ARSA: variants seen among roughly 807,000 people sequenced by gnomAD.
The protein encoded by ARSA is cerebroside-sulfatase.
Under a neutral mutation model 37.8 loss-of-function variants are expected in ARSA, and 32 were observed. The observed-to-expected ratio is 0.85, with a 90% confidence interval of 0.64 to 1.14. The LOEUF is 1.14. ARSA is among the 50% of genes most tolerant of loss of function. ARSA has a pLI of 0.00. For synonymous variants in ARSA, 303 were observed against 303.4 expected, an observed-to-expected ratio of 1.00 and a Z score of 0.01; for missense variants, 685 against 686.3, an observed-to-expected ratio of 1.00 and a Z score of 0.02.
In ARSA at chr22:50,624,976, G is replaced by T; in HGVS notation, c.*169C>A. ...TCAGTTTCCTCATTCGTACCACAGGGGACCGGCACCAGCACACAGCATTAC... is the reference window on the plus strand; with the variant it reads ...TCAGTTTCCTCATTCGTACCACAGGTGACCGGCACCAGCACACAGCATTAC... On this transcript the variant is annotated 3_prime_UTR_variant, in exon 8 of 8. Transcript: ENST00000216124. 1 of 795,028 alleles carries T rather than the reference G, an allele frequency of 1.3e-6. No homozygotes were observed. The highest frequency in any genetic ancestry group is 2.1e-5 in the South Asian group (1 of 48,714). 49.2% of individuals were successfully genotyped at this position (795,028 alleles called of 1,614,324 possible).
At position 50,627,816 on chromosome 22, in the gene ARSA, C is replaced by T; in HGVS notation, c.-37G>A. 2.0e-6 allele frequency: 3 copies of T among 1,522,522 alleles called. No homozygotes were observed. Among genetic ancestry groups the T allele is most frequent in the Non-Finnish European group, 2.6e-6 (3 of 1,135,230 alleles). The allele number at this position is 1,522,522 out of a possible 1,614,324, so 94.3% of individuals were successfully genotyped here. ...GTCTGTCCCAAGAGAGGGAGGGCTA[C>T]TTGGCTCCAGCAGGCTCTTTCCGAT... On this transcript the variant is annotated 5_prime_UTR_variant, in exon 1 of 8. Coordinates refer to ENST00000216124, the MANE Select transcript of ARSA (RefSeq NM_000487.6).
Position 50,627,928 on chromosome 22 carries a change from G to GC in ARSA, c.-150dup. On this transcript the variant is annotated 5_prime_UTR_variant, in exon 1 of 8. Transcript: ENST00000216124. ...CGGCCGCCTCCTGAAGCTCCAGAGG[G>GC]CCGGGGCCCGACAGTACCGGGAGAC... 1.3e-6 allele frequency: 1 copy of GC among 769,688 alleles called. No individual in the cohort carries two copies. Among genetic ancestry groups the GC allele is most frequent in the South Asian group, 1.8e-5 (1 of 55,156 alleles). The allele number at this position is 769,688 out of a possible 1,614,324, so 47.7% of individuals were successfully genotyped here.
At chr22:50,627,480 T>C (rs897617089) in intron 1 of ARSA, 74 bp from the exon 2 acceptor site, 3 of 1,593,950 alleles carry the variant, frequency 1.9e-6, no homozygotes, top group East Asian at 2.3e-5. Context: ...CAGACGTTTT[T>C]CCCGCCCCCC....
intron 4 of ARSA, 49 bp downstream of exon 4, chr22:50,626,542 G>A (rs778597125): frequency 1.2e-6 from 2 of 1,605,468 alleles, no homozygotes; most frequent in Non-Finnish European, 1.7e-6. Context: ...GGCCTCCAGG[G>A]CCCTGGCCCG....
Position 50,627,830 on chromosome 22 carries a change from G to A in ARSA, c.-51C>T. ...AGGGAGGGCTACTTGGCTCCAGCAGGCTCTTTCCGATACCGCAGACCCAGG... is the reference window on the plus strand; with the variant it reads ...AGGGAGGGCTACTTGGCTCCAGCAGACTCTTTCCGATACCGCAGACCCAGG... On this transcript the variant is annotated 5_prime_UTR_variant, in exon 1 of 8. Transcript: ENST00000216124. 5 of 1,498,876 alleles carry A rather than the reference G, an allele frequency of 3.3e-6. No homozygotes were observed. Among genetic ancestry groups the A allele is most frequent in the Non-Finnish European group, 4.5e-6 (5 of 1,116,096 alleles). 92.8% of individuals were successfully genotyped at this position (1,498,876 alleles called of 1,614,324 possible). A position where few individuals can be genotyped will look rare whatever the true frequency, so the allele number is the denominator to read the frequency against.
rs74315468 is a variant in ARSA at position 50,626,841 on chromosome 22, G to A, written c.677C>T (p.Ala226Val). The change falls in exon 3 of 8, where the codon GCC becomes GTC. Residue 226 changes from alanine (A) to valine (V), a missense_variant. By Grantham distance (64) the Ala-to-Val change is moderately conservative. Coordinates refer to ENST00000216124, the MANE Select transcript of ARSA (RefSeq NM_000487.6). ...RQDRPFFLYY[A>V]SHHTHYPQFS... is the part of the protein sequence containing the mutation. The stretch of plus-strand genomic sequence containing the variant: ...TGGGCCAAGATCACTTACGTGAGAG[G>A]CATAGTACAGGAAGAAGGGGCGATC... 1.1e-5 allele frequency: 18 copies of A among 1,613,114 alleles called. No homozygotes were observed. Among genetic ancestry groups the A allele is most frequent in the African/African-American group, 6.7e-5 (5 of 74,876 alleles).
In ARSA at chr22:50,627,649, G is replaced by A. The variant is rs1340814173; in HGVS notation, c.131C>T (p.Pro44Leu). The change falls in exon 1 of 8, where the codon CCC becomes CTC. Residue 44 changes from proline (P) to leucine (L), a missense_variant. By Grantham distance (98) the Pro-to-Leu change is moderately conservative (BLOSUM62 -3). Transcript: ENST00000216124. ...GTCCAGGTTGGGAGTGGTAGAGCTG[G>A]GGTGCCCATAGCAGCCCAGGTCCCC... is the stretch of plus-strand genomic sequence containing the variant. ...GYGDLGCYGH[P>L]SSTTPNLDQL... 7.1e-6 allele frequency: 11 copies of A among 1,559,960 alleles called. No homozygotes were observed. Among genetic ancestry groups the A allele is most frequent in the African/African-American group, 1.4e-5 (1 of 73,668 alleles).
Position 50,627,809 on chromosome 22 carries a change from A to G in ARSA, c.-30T>C, listed in dbSNP as rs1049205018. The stretch of plus-strand genomic sequence containing the variant: ...CCGAGGGGTCTGTCCCAAGAGAGGG[A>G]GGGCTACTTGGCTCCAGCAGGCTCT... On this transcript the variant is annotated 5_prime_UTR_variant, in exon 1 of 8. Coordinates refer to ENST00000216124, the MANE Select transcript of ARSA (RefSeq NM_000487.6). 2.6e-6 allele frequency: 4 copies of G among 1,526,884 alleles called. No homozygotes were observed. Among genetic ancestry groups the G allele is most frequent in the Non-Finnish European group, 3.5e-6 (4 of 1,138,144 alleles). 94.6% of individuals were successfully genotyped at this position (1,526,884 alleles called of 1,614,324 possible).
In ARSA at chr22:50,627,962, G is replaced by T; in HGVS notation, c.-183C>A. ...CGACAGTACCGGGAGACCGCGGGCT[G>T]GGACGGAACTCCTCCAGGACCAGGG... On this transcript the variant is annotated 5_prime_UTR_variant, in exon 1 of 8. Coordinates refer to ENST00000216124, the MANE Select transcript of ARSA (RefSeq NM_000487.6). 1.6e-6 allele frequency: 1 copy of T among 614,646 alleles called. No individual in the cohort carries two copies. The highest frequency in any genetic ancestry group is 2.8e-6 in the Non-Finnish European group (1 of 351,586). 38.1% of individuals were successfully genotyped at this position (614,646 alleles called of 1,614,324 possible).
Position 50,624,797 on chromosome 22 carries a change from T to C in ARSA, c.*348A>G, listed in dbSNP as rs1220862492. On this transcript the variant is annotated 3_prime_UTR_variant, in exon 8 of 8. Coordinates refer to ENST00000216124, the MANE Select transcript of ARSA (RefSeq NM_000487.6). ...CTGCTCCTGTGAACAGATGTGCCCA[T>C]GTCCTTGAGGCTGACGTGTGCCTGT... 8.6e-6 allele frequency among the ~76,000 whole-genome samples: 1 copy of C among 116,928 alleles called. No homozygotes were observed. The highest frequency in any genetic ancestry group is 1.3e-4 in the Admixed American group (1 of 7,704). 76.7% of individuals were successfully genotyped at this position (116,928 alleles called of 152,430 possible).
chr22:50,627,200 T>G lies in ARSA; in HGVS notation c.431A>C (p.His144Pro), dbSNP rs2082687638. 1 of 1,612,716 alleles carries G rather than the reference T, an allele frequency of 6.2e-7. No homozygotes were observed. ...GGAGTACGGGATGCCTAGAAATCGA[T>G]GGAAGCCCTGATGGGGGGGCAGGAA... is the stretch of plus-strand genomic sequence containing the variant. ...GAFLPPHQGF[H>P]RFLGIPYSHD... Residue 144 changes from histidine (H) to proline (P), a missense_variant, in exon 2 of 8, where the codon CAT becomes CCT. By Grantham distance (77) the His-to-Pro change is moderately conservative. Transcript: ENST00000216124.
rs2082686392 is a variant in ARSA at position 50,627,156 on chromosome 22, TG to T, written c.465+9del. ...GTGGGAGGGTGGCTGAGGGCCCGGG[TG>T]GTTCCTACCTGGTCGTGGGAGTACG... On this transcript the variant is annotated intron_variant, in intron 2 of 7. Coordinates refer to ENST00000216124, the MANE Select transcript of ARSA (RefSeq NM_000487.6). 1.2e-6 allele frequency: 2 copies of T among 1,604,134 alleles called. No individual in the cohort carries two copies. The highest frequency in any genetic ancestry group is 2.7e-5 in the African/African-American group (2 of 74,610).
Position 50,626,015 on chromosome 22 carries a change from G to T in ARSA, c.1028C>A (p.Ala343Glu). 1.9e-6 allele frequency: 3 copies of T among 1,582,070 alleles called. No homozygotes were observed. The highest frequency in any genetic ancestry group is 2.6e-6 in the Non-Finnish European group (3 of 1,165,664). Residue 343 changes from alanine (A) to glutamate (E), a missense_variant, in exon 6 of 8, where the codon GCA (alanine) becomes GAA (glutamate). Transcript: ENST00000216124. ...GGGCAGTGGGGCCCCAGCCAGGGCT[G>T]CCAGGGTAGGCAGCAGGTCCAGGGA... ...ASSLDLLPTL[A>E]ALAGAPLPNV...
chr22:50,625,658 G>C lies in ARSA; in HGVS notation c.1131C>G (p.Phe377Leu). The change falls in exon 7 of 8, where the codon TTC (phenylalanine) becomes TTG (leucine). Residue 377 changes from phenylalanine to leucine, a missense_variant. Physicochemically the swap from Phe to Leu is conservative, Grantham distance 22. Coordinates refer to ENST00000216124, the MANE Select transcript of ARSA (RefSeq NM_000487.6). Reference protein sequence around the residue: ...TGKSPRQSLFFYPSYPDEVRG... With the variant: ...TGKSPRQSLFLYPSYPDEVRG... ...GGACCTCGTCTGGGTAGGACGGGTA[G>C]AAGAAGAGAGACTGCCGAGGGCTCT... 1 of 1,613,694 alleles carries C rather than the reference G, an allele frequency of 6.2e-7. No homozygotes were observed. The highest frequency in any genetic ancestry group is 8.5e-7 in the Non-Finnish European group (1 of 1,179,956).
rs74315456 is a variant in ARSA, at chr22:50,627,338, G to A, written c.293C>T (p.Ser98Phe). The change falls in exon 2 of 8, where the codon TCC (serine) becomes TTC (phenylalanine). Residue 98 changes from serine (S) to phenylalanine (F), a missense_variant. Coordinates refer to ENST00000216124, the MANE Select transcript of ARSA (RefSeq NM_000487.6). ...CTCCTCCAGGGGCAGGCCCCCCCGG[G>A]AGCTGGGCACCAGGACGCCAGGGTA... ...GMYPGVLVPS[S>F]RGGLPLEEVT... 3.9e-5 allele frequency: 62 copies of A among 1,594,964 alleles called. No individual in the cohort carries two copies. The highest frequency in any genetic ancestry group is 5.0e-5 in the Non-Finnish European group (59 of 1,172,190).
Position 50,627,337 on chromosome 22 carries a change from G to A in ARSA, c.294C>T (p.Ser98=), listed in dbSNP as rs1217286631. ...CCTCCTCCAGGGGCAGGCCCCCCCG[G>A]GAGCTGGGCACCAGGACGCCAGGGT... ...GMYPGVLVPS[S]RGGLPLEEVT... The change falls in exon 2 of 8, where the codon TCC becomes TCT. Residue 98 remains serine, a synonymous_variant. Coordinates refer to ENST00000216124, the MANE Select transcript of ARSA (RefSeq NM_000487.6). 2 of 1,594,640 alleles carry A rather than the reference G, an allele frequency of 1.3e-6. No individual in the cohort carries two copies. Among genetic ancestry groups the A allele is most frequent in the East Asian group, 4.5e-5 (2 of 44,156 alleles).
intron 7 of ARSA, 44 bp from the exon 8 acceptor site, chr22:50,625,508 A>C (rs750260214): frequency 1.9e-6 from 3 of 1,570,920 alleles, no homozygotes; most frequent in Non-Finnish European, 2.6e-6. Context: ...GGGCGAGAGG[A>C]GGGGCCAGGG....
Position 50,626,152 on chromosome 22 carries a change from A to C in ARSA, c.979+2T>G. The C allele has an allele frequency of 6.2e-7, 1 of 1,601,342 alleles. No homozygotes were observed. Among genetic ancestry groups the C allele is most frequent in the South Asian group, 1.1e-5 (1 of 88,864 alleles). ...TTCCAAGGAGAGGGCCTGCGGACTG[A>C]CCGGGAGCGATATGACCTGGCCAGA... On this transcript the variant is annotated splice_donor_variant, in intron 5 of 7. Transcript: ENST00000216124. LOFTEE classifies it high-confidence loss of function.
intron 7 of ARSA, 56 bp downstream of exon 7, chr22:50,625,523 A>T: frequency 6.3e-7 from 1 of 1,580,906 alleles, no homozygotes; most frequent in Non-Finnish European, 8.6e-7. Context: ...CCAGGGATCT[A>T]GGGCTCCGGG....
Sources: allele counts gnomAD v4.1 joint callset (sites outside exome capture counted in the v4.1 genomes callset), GRCh38; gene constraint gnomAD v4.1.1; transcripts MANE v1.5; gene names NCBI Gene and HGNC (gene_info 2026-07-23, HGNC 2026-07-21).